Variants in TNNI3K observed in about 807,000 individuals in gnomAD.
The protein encoded by TNNI3K is serine/threonine-protein kinase TNNI3K.
TNNI3K carries 140 observed loss-of-function variants against 114.5 expected under a neutral mutation model. That is an observed-to-expected ratio of 1.22 (90% CI 1.07 to 1.41). TNNI3K has a LOEUF of 1.41. Ranked by LOEUF, TNNI3K falls within the 40% of genes most tolerant of loss-of-function variation. The pLI is 0.00. For missense variants in TNNI3K, 1,125 were observed against 1,007.6 expected, an observed-to-expected ratio of 1.12 and a Z score of -1.58; for synonymous variants, 347 against 347.5, an observed-to-expected ratio of 1.00 and a Z score of 0.02.
chr1:74,268,473 G>A lies in TNNI3K; in HGVS notation c.334-3125G>A, dbSNP rs577204792. 4.1e-4 allele frequency among the ~76,000 whole-genome samples: 63 copies of A among 151,912 alleles called. No homozygotes were observed. The South Asian group carries it at 0.013, about 32-fold the overall frequency. On this transcript the variant is annotated intron_variant, in intron 4 of 24. Coordinates refer to ENST00000326637, the MANE Select transcript of TNNI3K (RefSeq NM_015978.3). ...CAGTACTGGTACAGCCTTTTTCCAT[G>A]TTTTATTCCTTTGTTTGTTGCAGTG...
intron 17 of TNNI3K, among the ~76,000 whole-genome samples, chr1:74,406,937 T>C (rs916740913): frequency 1.3e-5 from 2 of 152,228 alleles, no homozygotes; most frequent in African/African-American, 4.8e-5. Context: ...GCCTCGTTTC[T>C]TCCTTATCCT....
At chr1:74,353,118 A>G (rs1197699169) in intron 9 of TNNI3K, 148 bp from the exon 10 acceptor site, 12 of 836,114 alleles carry the variant, frequency 1.4e-5, no homozygotes, top group Admixed American at 2.9e-5. Context: ...GTACCTCTTT[A>G]AAGATACAAT....
At chr1:74,436,644 G>T (rs1271558475) in intron 19 of TNNI3K, 118 bp downstream of exon 19, 57 of 1,046,094 alleles carry the variant, frequency 5.4e-5, no homozygotes, top group African/African-American at 6.8e-5. Context: ...TCTCAGTGTT[G>T]GGATAATGGC....
rs34316748 is a variant in TNNI3K, at chr1:74,408,992, CAA to C, written c.1773-27075_1773-27074del. Among the ~76,000 whole-genome samples the C allele has an allele frequency of 2.6e-3, 352 of 134,352 alleles. 1 individual carries two copies. The highest frequency in any genetic ancestry group is 8.2e-3 in the African/African-American group (315 of 38,380). 88.1% of individuals were successfully genotyped at this position (134,352 alleles called of 152,430 possible). On this transcript the variant is annotated intron_variant, in intron 17 of 24. Transcript: ENST00000326637. The stretch of plus-strand genomic sequence containing the variant: ...ACACTCATCTAATGCCTCCATATAA[CAA>C]AAAAAAAAAAAATAGAGTCTTCTTA...
At chr1:74,488,211 A>C (rs1668866665) in intron 21 of TNNI3K, among the ~76,000 whole-genome samples, 1 of 152,126 alleles carries the variant, frequency 6.6e-6, no homozygotes, top group Non-Finnish European at 1.5e-5. Context: ...AACCATTTGG[A>C]AGTAGCAGTG....
chr1:74,510,432 C>T (rs959297204), intron 23 of TNNI3K, among the ~76,000 whole-genome samples: 13 of 152,012 alleles, frequency 8.6e-5, no homozygotes, highest in East Asian at 1.9e-4. Context: ...GGCTTGAACC[C>T]GGGAGGTGGA....
intron 20 of TNNI3K, among the ~76,000 whole-genome samples, chr1:74,445,353 A>T (rs274574): frequency 7.6e-6 from 1 of 132,048 alleles, no homozygotes; most frequent in African/African-American, 2.8e-5. Context: ...TATATCTCCC[A>T]ATGCTATCCC....
intron 2 of TNNI3K, among the ~76,000 whole-genome samples, chr1:74,239,417 A>G (rs1303545839): frequency 1.3e-5 from 2 of 152,138 alleles, no homozygotes; most frequent in East Asian, 1.9e-4. Flanking sequence ...ATGAGTATCT[A>G]GAGCATTATA....
Position 74,241,871 on chromosome 1 carries a change from ACGGAGTCT to A in TNNI3K, c.149+5664_149+5671del, listed in dbSNP as rs1324126081. On this transcript the variant is annotated intron_variant, in intron 2 of 24. Transcript: ENST00000326637. Reference sequence around the variant, plus strand: ...TTTTCCTTTTTTTTTTTTTTTTCAGACGGAGTCTCGCTCTGTCGCCCAGGCTGGAGTGC... The same window carrying A: ...TTTTCCTTTTTTTTTTTTTTTTCAGACGCTCTGTCGCCCAGGCTGGAGTGC... Among the ~76,000 whole-genome samples, 7 of 139,938 alleles carry A rather than the reference ACGGAGTCT, an allele frequency of 5.0e-5. No homozygotes were observed. The Admixed American group carries it at 5.2e-4, about 10-fold the overall frequency. The allele number at this position is 139,938 out of a possible 152,430, so 91.8% of individuals were successfully genotyped here.
At chr1:74,483,303 G>A in intron 21 of TNNI3K, 1 of 717,440 alleles carries the variant, frequency 1.4e-6, no homozygotes. Flanking sequence ...TACATCTTTG[G>A]TGCACACCAC....
At chr1:74,401,252 A>T (rs528299321) in intron 17 of TNNI3K, among the ~76,000 whole-genome samples, 58 of 152,310 alleles carry the variant, frequency 3.8e-4, no homozygotes, top group African/African-American at 1.4e-3. Flanking sequence ...TTGATTTTCT[A>T]GGTCATGCAA....
At chr1:74,501,263 T>C (rs1390348155) in intron 23 of TNNI3K, among the ~76,000 whole-genome samples, 1 of 152,258 alleles carries the variant, frequency 6.6e-6, no homozygotes, top group East Asian at 1.9e-4. Context: ...TGTTGTTTAC[T>C]TTGTTCATTG....
At position 74,489,172 on chromosome 1, in the gene TNNI3K, C is replaced by T. The variant is rs201140407; in HGVS notation, c.2122-17C>T. The T allele has an allele frequency of 7.9e-5, 126 of 1,601,698 alleles. No homozygotes were observed. The highest frequency in any genetic ancestry group is 1.0e-4 in the Non-Finnish European group (121 of 1,175,724). ...CTTTTATTCTTAAGGGAAAAAAGTT[C>T]TTTTTTCTATTTACAGGGAAGACCC... On this transcript the variant is annotated splice_polypyrimidine_tract_variant and intron_variant, in intron 21 of 24. Coordinates refer to ENST00000326637, the MANE Select transcript of TNNI3K (RefSeq NM_015978.3).
At position 74,446,495 on chromosome 1, in the gene TNNI3K, G is replaced by A. The variant is rs1241663472; in HGVS notation, c.2011+6873G>A. 3.4e-5 allele frequency among the ~76,000 whole-genome samples: 5 copies of A among 147,962 alleles called. No individual in the cohort carries two copies. In the East Asian group the frequency reaches 9.9e-4, roughly 29 times the overall value. ...TTTTCTCCCATTTTGTAGGTTGCCTGTTCACTCTGATGGTAGTTTCTTTTG... is the reference window on the plus strand; with the variant it reads ...TTTTCTCCCATTTTGTAGGTTGCCTATTCACTCTGATGGTAGTTTCTTTTG... On this transcript the variant is annotated intron_variant, in intron 20 of 24. Coordinates refer to ENST00000326637, the MANE Select transcript of TNNI3K (RefSeq NM_015978.3).
intron 17 of TNNI3K, among the ~76,000 whole-genome samples, chr1:74,395,772 A>G (rs898317647): frequency 2.6e-5 from 4 of 152,176 alleles, no homozygotes; most frequent in Admixed American, 2.0e-4. Flanking sequence ...AGACTAACTG[A>G]AAATGTGAAA....
intron 5 of TNNI3K, among the ~76,000 whole-genome samples, chr1:74,316,752 C>T (rs1345654695): frequency 4.6e-5 from 7 of 151,774 alleles, no homozygotes; most frequent in Non-Finnish European, 7.4e-5. Context: ...TGCAGTGGCA[C>T]GATCTTGGCT....
chr1:74,260,469 T>C (rs946218130), intron 4 of TNNI3K, among the ~76,000 whole-genome samples: 4 of 152,172 alleles, frequency 2.6e-5, no homozygotes, highest in African/African-American at 9.7e-5. Flanking sequence ...TTTAGGCAAA[T>C]TGAGTTTTCC....
rs200709985 is a variant in TNNI3K at position 74,436,142 on chromosome 1, C to T, written c.1825+10C>T. 57 of 1,610,970 alleles carry T rather than the reference C, an allele frequency of 3.5e-5. No individual in the cohort carries two copies. The highest frequency in any genetic ancestry group is 3.3e-4 in the Middle Eastern group (2 of 6,042). ...GTGGCAGATTTTGGAGGTGAGATACCCCAAAATGGCATCCTTTTTTTCTTT... is the reference window on the plus strand; with the variant it reads ...GTGGCAGATTTTGGAGGTGAGATACTCCAAAATGGCATCCTTTTTTTCTTT... On this transcript the variant is annotated intron_variant, in intron 18 of 24. Transcript: ENST00000326637.
intron 11 of TNNI3K, among the ~76,000 whole-genome samples, chr1:74,365,165 T>G (rs137906943): frequency 8.5e-4 from 129 of 152,242 alleles, no homozygotes; most frequent in African/African-American, 2.6e-3. Flanking sequence ...TACATCATCT[T>G]AGTTAATCTT....
Sources: gnomAD v4.1 joint callset for allele counts (sites outside exome capture counted in the v4.1 genomes callset) on GRCh38, gnomAD v4.1.1 for gene constraint, MANE v1.5 for transcripts, NCBI Gene and HGNC (gene_info 2026-07-23, HGNC 2026-07-21) for gene names.